HDAC9: variants seen among roughly 807,000 people sequenced by gnomAD.
The protein encoded by HDAC9 is histone deacetylase 9, also known as MEF-2 interacting transcription repressor (MITR) protein.
A neutral mutation model predicts 139.4 loss-of-function variants in HDAC9; 41 were observed. The observed-to-expected ratio is 0.29, with a 90% CI of 0.23 to 0.38. The LOEUF (loss-of-function observed/expected upper bound fraction) is 0.38. Among genes scored for constraint, HDAC9 ranks in the 10% least tolerant of loss-of-function variants. The probability of loss-of-function intolerance (pLI) is 1.00; values close to 1 mark genes in which losing one functional copy is unlikely to be tolerated. For synonymous variants in HDAC9, 517 were observed against 476.2 expected (o/e 1.09, Z -1.12); for missense variants, 1,147 against 1,297.0 (o/e 0.88, Z 1.78).
At chr7:18,745,318 C>G (rs73317438) in intron 13 of HDAC9, among the ~76,000 whole-genome samples, 12 of 152,206 alleles carry the variant, frequency 7.9e-5, no homozygotes, top group Admixed American at 1.3e-4. Context: ...TTCAAATGGC[C>G]TTCCAAGAGC....
chr7:18,100,220 C>G (rs61393039), intron 1 of HDAC9, among the ~76,000 whole-genome samples: 17,474 of 151,980 alleles, frequency 0.11, 1,405 homozygotes, highest in East Asian at 0.28. Flanking sequence ...ATATCAAGTC[C>G]TATAACGTAT....
At chr7:18,920,856 G>A (rs1307577642) in intron 22 of HDAC9, among the ~76,000 whole-genome samples, 1 of 152,078 alleles carries the variant, frequency 6.6e-6, no homozygotes, top group East Asian at 1.9e-4. Flanking sequence ...ACTTGATCAT[G>A]GTGGATAAGC....
At chr7:18,111,680 CTTAT>C (rs771123477) in intron 1 of HDAC9, among the ~76,000 whole-genome samples, 23 of 152,122 alleles carry the variant, frequency 1.5e-4, no homozygotes, top group African/African-American at 3.9e-4. Flanking sequence ...ATTGTTATTG[CTTAT>C]TTATTTATTT....
At chr7:18,302,463 A>G (rs1798605389) in intron 1 of HDAC9, among the ~76,000 whole-genome samples, 1 of 152,190 alleles carries the variant, frequency 6.6e-6, no homozygotes, top group African/African-American at 2.4e-5. Context: ...AGCCAGGAAG[A>G]TCTGGATTTT....
intron 15 of HDAC9, among the ~76,000 whole-genome samples, chr7:18,766,394 C>T (rs949898735): frequency 1.3e-5 from 2 of 152,120 alleles, no homozygotes; most frequent in Non-Finnish European, 2.9e-5. Flanking sequence ...CATGAAACAC[C>T]AGTTCTAAGA....
At chr7:18,529,691 T>C (rs1808204305) in intron 2 of HDAC9, among the ~76,000 whole-genome samples, 1 of 152,234 alleles carries the variant, frequency 6.6e-6, no homozygotes, top group African/African-American at 2.4e-5. Context: ...ATCATTTCTT[T>C]AGTTGTTTTA....
intron 6 of HDAC9, among the ~76,000 whole-genome samples, chr7:18,620,433 CT>C (rs919091422): frequency 6.7e-6 from 1 of 150,340 alleles, no homozygotes; most frequent in African/African-American, 2.5e-5. Flanking sequence ...TTATTTTTTC[CT>C]GTTTGTCCTA....
At chr7:18,432,795 C>T (rs1790802071) in intron 1 of HDAC9, among the ~76,000 whole-genome samples, 1 of 151,844 alleles carries the variant, frequency 6.6e-6, no homozygotes, top group African/African-American at 2.4e-5. Flanking sequence ...AACAAAAATA[C>T]AAAAAATTAG....
intron 25 of HDAC9, among the ~76,000 whole-genome samples, chr7:18,985,731 G>A (rs914135372): frequency 6.9e-6 from 1 of 143,980 alleles, no homozygotes; most frequent in Non-Finnish European, 1.5e-5. Flanking sequence ...TCCAGCACCT[G>A]TTGTTTCCTG....
chr7:18,659,027 A>G (rs964475570), intron 11 of HDAC9, among the ~76,000 whole-genome samples: 2 of 152,064 alleles, frequency 1.3e-5, no homozygotes, highest in Non-Finnish European at 2.9e-5. Context: ...TGCATAGTTT[A>G]ATAATCATAT....
chr7:18,329,104 A>G (rs1800699348), intron 1 of HDAC9, among the ~76,000 whole-genome samples: 2 of 151,732 alleles, frequency 1.3e-5, no homozygotes, highest in Admixed American at 1.3e-4. Context: ...ATAGTTTATA[A>G]TAGTCTCTTC....
Position 18,250,884 on chromosome 7 carries a change from CT to C in HDAC9, c.25+88543del, listed in dbSNP as rs534990848. ...TTCTCTAATGATTAGTGATGTTCAG[CT>C]TTTTTTTCATGTTTGTTGGGCACAT... On this transcript the variant is annotated intron_variant, in intron 2 of 12. Transcript: ENST00000417496. 1.6e-3 allele frequency among the ~76,000 whole-genome samples: 237 copies of C among 151,960 alleles called. 1 individual carries two copies. Among genetic ancestry groups the C allele is most frequent in the African/African-American group, 5.4e-3 (224 of 41,464 alleles).
intron 2 of HDAC9, among the ~76,000 whole-genome samples, chr7:18,186,404 C>T (rs542920832): frequency 3.9e-5 from 6 of 152,308 alleles, no homozygotes; most frequent in South Asian, 2.1e-4. Flanking sequence ...TGGCATGTGC[C>T]GCTGGCACCG....
chr7:18,186,917 T>C (rs1350919129), intron 2 of HDAC9, among the ~76,000 whole-genome samples: 1 of 152,250 alleles, frequency 6.6e-6, no homozygotes, highest in Non-Finnish European at 1.5e-5. Context: ...ATATTTACTC[T>C]ACAGAACTAC....
intron 1 of HDAC9, among the ~76,000 whole-genome samples, chr7:18,089,562 T>G (rs1015299206): frequency 2.6e-5 from 4 of 152,110 alleles, no homozygotes; most frequent in African/African-American, 9.6e-5. Flanking sequence ...TGACCAGATA[T>G]AAACCTATTT....
intron 22 of HDAC9, among the ~76,000 whole-genome samples, chr7:18,880,691 A>G (rs1452602527): frequency 6.6e-6 from 1 of 152,036 alleles, no homozygotes; most frequent in Non-Finnish European, 1.5e-5. Context: ...TTAAAAGATA[A>G]CTATTGGGCT....
At chr7:18,757,108 A>G (rs188188796) in intron 14 of HDAC9, among the ~76,000 whole-genome samples, 23 of 152,306 alleles carry the variant, frequency 1.5e-4, no homozygotes, top group African/African-American at 5.5e-4. Flanking sequence ...AAAAATCAAT[A>G]AGACCATGAA....
intron 2 of HDAC9, among the ~76,000 whole-genome samples, chr7:18,512,905 A>T (rs959051696): frequency 1.2e-4 from 18 of 152,236 alleles, no homozygotes; most frequent in African/African-American, 4.3e-4. Flanking sequence ...ACAAAGCTGT[A>T]TTAATAATGA....
chr7:18,797,357 A>G (rs1792888829), intron 17 of HDAC9, among the ~76,000 whole-genome samples: 1 of 152,142 alleles, frequency 6.6e-6, no homozygotes, highest in East Asian at 1.9e-4. Flanking sequence ...AAAACATTTG[A>G]GACATACAAA....
Sources: gnomAD v4.1 joint callset for allele counts (sites outside exome capture counted in the v4.1 genomes callset) on GRCh38, gnomAD v4.1.1 for gene constraint, MANE v1.5 for transcripts, NCBI Gene and HGNC (gene_info 2026-07-23, HGNC 2026-07-21) for gene names.